Variants in ASTN2 observed in about 807,000 individuals in gnomAD.
ASTN2 encodes astrotactin-2.
A neutral mutation model predicts 139.8 loss-of-function variants in ASTN2; 54 were observed. That is an observed-to-expected ratio of 0.39 (90% CI 0.31 to 0.48). The LOEUF is 0.48. Ranked by LOEUF, ASTN2 falls within the 20% of genes least tolerant of loss-of-function variation. ASTN2 has a pLI of 0.95. For synonymous variants in ASTN2, 756 were observed against 719.5 expected (o/e 1.05, Z -0.81); for missense variants, 1,565 against 1,725.1 (o/e 0.91, Z 1.64).
intron 2 of ASTN2, among the ~76,000 whole-genome samples, chr9:117,223,469 T>C (rs1203207221): frequency 2.6e-5 from 4 of 152,094 alleles, no homozygotes; most frequent in Admixed American, 6.6e-5. Flanking sequence ...GTTAAAGTGG[T>C]GGGTCAGCTA....
At chr9:116,788,868 A>G (rs558294530) in intron 13 of ASTN2, among the ~76,000 whole-genome samples, 3 of 152,286 alleles carry the variant, frequency 2.0e-5, no homozygotes, top group African/African-American at 7.2e-5. Flanking sequence ...CCTTTACACC[A>G]ACATTAGACC....
intron 3 of ASTN2, among the ~76,000 whole-genome samples, chr9:117,182,538 G>A (rs1428818185): frequency 6.6e-6 from 1 of 152,170 alleles, no homozygotes; most frequent in Non-Finnish European, 1.5e-5. Flanking sequence ...AATTAGAACA[G>A]ATAAGGTCCA....
intron 1 of ASTN2, among the ~76,000 whole-genome samples, chr9:117,311,040 C>G (rs1280637508): frequency 6.6e-6 from 1 of 152,148 alleles, no homozygotes; most frequent in Non-Finnish European, 1.5e-5. Context: ...TGTCTCTCTT[C>G]CCCTACTGGG....
intron 1 of ASTN2, among the ~76,000 whole-genome samples, chr9:117,374,968 T>C (rs1390247642): frequency 6.6e-6 from 1 of 152,212 alleles, no homozygotes; most frequent in Non-Finnish European, 1.5e-5. Flanking sequence ...TCCAGTTGAC[T>C]CAGCTACCAA....
intron 2 of ASTN2, among the ~76,000 whole-genome samples, chr9:117,281,255 G>A (rs1245151558): frequency 3.3e-5 from 5 of 152,004 alleles, no homozygotes; most frequent in African/African-American, 4.8e-5. Context: ...TGGATCTCTC[G>A]CCTCATTTAC....
intron 7 of ASTN2, among the ~76,000 whole-genome samples, chr9:116,993,086 T>C (rs1387040940): frequency 6.6e-6 from 1 of 152,174 alleles, no homozygotes; most frequent in East Asian, 1.9e-4. Context: ...ACGTCACCCC[T>C]CTGCTCAGAC....
chr9:116,453,593 C>CAAAAAAAAAAAAAAAAAAAA lies in ASTN2; in HGVS notation c.3498-11060_3498-11041dup, dbSNP rs386416019. On this transcript the variant is annotated intron_variant, in intron 20 of 22. Transcript: ENST00000313400. ...TGGGCAAAAGTGCGAGACTCCGTCTCAAAAAAAAAAAAAAAAAAAAAAAAA... is the reference window on the plus strand; with the variant it reads ...TGGGCAAAAGTGCGAGACTCCGTCTCAAAAAAAAAAAAAAAAAAAAAAAAAAAAAAAAAAAAAAAAAAAAA... Among the ~76,000 whole-genome samples the CAAAAAAAAAAAAAAAAAAAA allele has an allele frequency of 6.8e-5, 4 of 58,794 alleles. No homozygotes were observed. In the East Asian group the frequency reaches 2.1e-3, roughly 31 times the overall value. 38.6% of individuals were successfully genotyped at this position (58,794 alleles called of 152,430 possible). A position where few individuals can be genotyped will look rare whatever the true frequency, so the allele number is the denominator to read the frequency against.
chr9:116,660,206 T>G (rs1300072331), intron 16 of ASTN2, among the ~76,000 whole-genome samples: 2 of 103,846 alleles, frequency 1.9e-5, no homozygotes, highest in Admixed American at 2.0e-4. Flanking sequence ...ACACACACAT[T>G]TGGGGAATGG....
chr9:116,863,540 GCC>G, intron 11 of ASTN2, 41 bp downstream of exon 11: 1 of 1,603,090 alleles, frequency 6.2e-7, no homozygotes, highest in Non-Finnish European at 8.5e-7. Context: ...GGTGGCCTTA[GCC>G]CCTGGGCCAC....
At chr9:117,027,496 C>A (rs750719462) in intron 6 of ASTN2, among the ~76,000 whole-genome samples, 4 of 152,212 alleles carry the variant, frequency 2.6e-5, no homozygotes, top group Non-Finnish European at 4.4e-5. Context: ...GCTCCTGCCA[C>A]ACCTTTGCTC....
intron 11 of ASTN2, among the ~76,000 whole-genome samples, chr9:116,835,812 G>T (rs1286552713): frequency 6.6e-6 from 1 of 152,014 alleles, no homozygotes; most frequent in Non-Finnish European, 1.5e-5. Flanking sequence ...TTAGAGAGAG[G>T]TTCTCTCTCC....
intron 20 of ASTN2, among the ~76,000 whole-genome samples, chr9:116,461,399 C>T (rs1848482713): frequency 6.6e-6 from 1 of 151,910 alleles, no homozygotes; most frequent in African/African-American, 2.4e-5. Context: ...GTAAAATACA[C>T]ATATTTATAT....
chr9:117,017,895 G>C (rs892930446), intron 6 of ASTN2, among the ~76,000 whole-genome samples: 1 of 151,542 alleles, frequency 6.6e-6, no homozygotes, highest in Admixed American at 6.6e-5. Context: ...TATATAGATG[G>C]TGTCTTCTGA....
chr9:117,291,498 G>A lies in ASTN2; in HGVS notation c.458C>T (p.Ala153Val), dbSNP rs965197092. ...CCAGTGCACCAGCGAGATGTCCGCT[G>A]CTGTGCCAGACATCTCTGCAAGACA... ...PFFTLEMSGT[A>V]ADISLVHWRQ... Residue 153 changes from alanine to valine, a missense_variant, in exon 2 of 23, where the codon GCA (alanine) becomes GTA (valine). By Grantham distance (64) the Ala-to-Val change is moderately conservative (BLOSUM62 0). Transcript: ENST00000313400. The A allele has an allele frequency of 4.4e-6, 7 of 1,604,310 alleles. No homozygotes were observed. The highest frequency in any genetic ancestry group is 1.3e-5 in the African/African-American group (1 of 74,864).
intron 10 of ASTN2, among the ~76,000 whole-genome samples, chr9:116,955,625 G>A (rs1045608841): frequency 1.3e-5 from 2 of 152,208 alleles, no homozygotes; most frequent in Non-Finnish European, 2.9e-5. Context: ...CCTGCTAGAA[G>A]TGGAAAAATT....
At chr9:117,165,374 A>G (rs1830647245) in intron 3 of ASTN2, among the ~76,000 whole-genome samples, 1 of 152,108 alleles carries the variant, frequency 6.6e-6, no homozygotes, top group African/African-American at 2.4e-5. Flanking sequence ...CCTGAAGGTC[A>G]TCTGGGCAGC....
intron 4 of ASTN2, among the ~76,000 whole-genome samples, chr9:117,104,520 A>G (rs1829057129): frequency 6.6e-6 from 1 of 152,244 alleles, no homozygotes; most frequent in Non-Finnish European, 1.5e-5. Context: ...CTGAGATGGC[A>G]TGATCTACGG....
In ASTN2 at chr9:116,426,044, T is replaced by C. The variant is rs140483488; in HGVS notation, c.3827A>G (p.His1276Arg). ...GGCACTCCGCAGGAGGCTGGAGCAGTGGCTACTCACCCTCTCCAGTCGCCG... is the reference window on the plus strand; with the variant it reads ...GGCACTCCGCAGGAGGCTGGAGCAGCGGCTACTCACCCTCTCCAGTCGCCG... ...ILRRLERVSS[H>R]CSSLLRSAYI... is the part of the protein sequence containing the mutation. The change falls in exon 23 of 23, where the codon CAC (histidine) becomes CGC (arginine). Residue 1276 changes from histidine (H) to arginine (R), a missense_variant. His to Arg is a conservative substitution (Grantham distance 29). Around this residue, in one of 4 missense-constraint regions of ASTN2, gnomAD observed 418 missense variants for 465.8 expected, o/e 0.90. Coordinates refer to ENST00000313400, the MANE Select transcript of ASTN2 (RefSeq NM_001365068.1). 107 of 1,613,836 alleles carry C rather than the reference T, an allele frequency of 6.6e-5. No individual in the cohort carries two copies. The highest frequency in any genetic ancestry group is 8.9e-5 in the Non-Finnish European group (105 of 1,180,018).
At chr9:116,920,084 G>A (rs1588411913) in intron 10 of ASTN2, among the ~76,000 whole-genome samples, 1 of 152,128 alleles carries the variant, frequency 6.6e-6, no homozygotes, top group Non-Finnish European at 1.5e-5. Flanking sequence ...CTGCCTCCTT[G>A]GTATTCTGTG....
Sources: gnomAD v4.1 joint callset for allele counts (sites outside exome capture counted in the v4.1 genomes callset) on GRCh38, gnomAD v4.1.1 for gene constraint, gnomAD v4.1.1 regional missense constraint, MANE v1.5 for transcripts, NCBI Gene and HGNC (gene_info 2026-07-23, HGNC 2026-07-21) for gene names.